The following COL14A1 variants were observed in gnomAD, a reference collection of about 807,000 sequenced individuals.
The protein encoded by COL14A1 is collagen alpha-1(XIV) chain.
In COL14A1, 136 loss-of-function variants were observed where a neutral mutation model predicts 230.3. The observed-to-expected ratio is 0.59, with a 90% CI of 0.51 to 0.68. COL14A1 has a LOEUF of 0.68. Ranked by LOEUF, COL14A1 falls within the 30% of genes least tolerant of loss-of-function variation. The pLI, the probability that COL14A1 is intolerant of heterozygous loss-of-function variation, is 0.00. For missense variants in COL14A1, 1,976 were observed against 2,215.8 expected, an observed-to-expected ratio of 0.89 and a Z score of 2.17; for synonymous variants, 792 against 784.1, an observed-to-expected ratio of 1.01 and a Z score of -0.17.
chr8:120,157,213 G>C (rs1815508935), intron 2 of COL14A1, among the ~76,000 whole-genome samples: 1 of 152,104 alleles, frequency 6.6e-6, no homozygotes, highest in Non-Finnish European at 1.5e-5. Flanking sequence ...CATGTGCTTT[G>C]TATCTTTCTG....
intron 45 of COL14A1, among the ~76,000 whole-genome samples, chr8:120,358,430 G>C (rs1823060053): frequency 6.6e-6 from 1 of 151,954 alleles, no homozygotes; most frequent in Non-Finnish European, 1.5e-5. Flanking sequence ...TTATAGTGTT[G>C]ATAACCTCTT....
rs557051371 is a variant in COL14A1, at chr8:120,369,971, A to G, written c.5311+486A>G. Among the ~76,000 whole-genome samples the G allele has an allele frequency of 2.6e-5, 4 of 152,346 alleles. No homozygotes were observed. The South Asian group carries it at 8.3e-4, about 32-fold the overall frequency. On this transcript the variant is annotated intron_variant, in intron 47 of 47. Transcript: ENST00000297848. ...ATGCATACCACTTGCATTTAGGTGC[A>G]TTTAAGCACCACATTTTAGGTGACC... is the stretch of plus-strand genomic sequence containing the variant.
intron 1 of COL14A1, among the ~76,000 whole-genome samples, chr8:120,129,156 C>A (rs1369574605): frequency 6.6e-6 from 1 of 152,198 alleles, no homozygotes; most frequent in South Asian, 2.1e-4. Flanking sequence ...TATGCTTTGG[C>A]AAATGGAAAT....
intron 45 of COL14A1, among the ~76,000 whole-genome samples, chr8:120,359,095 C>T (rs1823092428): frequency 6.6e-6 from 1 of 151,578 alleles, no homozygotes; most frequent in African/African-American, 2.4e-5. Context: ...TTTTGGGATA[C>T]ATGTGCTGAA....
At chr8:120,161,142 C>T (rs1393928564) in intron 3 of COL14A1, among the ~76,000 whole-genome samples, 1 of 152,130 alleles carries the variant, frequency 6.6e-6, no homozygotes, top group Non-Finnish European at 1.5e-5. Context: ...AAGAGAAAGA[C>T]TCCATTTTGC....
chr8:120,269,938 T>A, intron 25 of COL14A1, 97 bp from the exon 26 acceptor site: 1 of 1,290,268 alleles, frequency 7.8e-7, no homozygotes, highest in Non-Finnish European at 1.1e-6. Flanking sequence ...GAAAAAGAGC[T>A]TCACTTAGCA....
At chr8:120,285,308 C>G (rs1820158826) in intron 32 of COL14A1, among the ~76,000 whole-genome samples, 1 of 151,466 alleles carries the variant, frequency 6.6e-6, no homozygotes, top group Admixed American at 6.6e-5. Context: ...ACTAAAAATA[C>G]AAAAAATTAG....
At chr8:120,260,336 G>A (rs1229090075) in intron 23 of COL14A1, among the ~76,000 whole-genome samples, 1 of 151,810 alleles carries the variant, frequency 6.6e-6, no homozygotes, top group Admixed American at 6.6e-5. Context: ...AATATGGATG[G>A]CAATTTAACT....
chr8:120,328,156 A>T (rs1471379851), intron 40 of COL14A1, among the ~76,000 whole-genome samples: 1 of 152,216 alleles, frequency 6.6e-6, no homozygotes, highest in African/African-American at 2.4e-5. Context: ...TCGAAAGAAG[A>T]AGAGAAAGAA....
intron 5 of COL14A1, among the ~76,000 whole-genome samples, chr8:120,173,697 T>TCTA (rs1816177886): frequency 6.7e-6 from 1 of 150,296 alleles, no homozygotes; most frequent in South Asian, 2.1e-4. Flanking sequence ...TATCTATCTA[T>TCTA]TTTACTGCAT....
At chr8:120,280,450 C>T (rs898109740) in intron 29 of COL14A1, among the ~76,000 whole-genome samples, 3 of 152,104 alleles carry the variant, frequency 2.0e-5, no homozygotes, top group Admixed American at 6.6e-5. Flanking sequence ...AGATGTGCCC[C>T]AATACATGCT....
At chr8:120,266,931 G>A (rs1222968002) in intron 25 of COL14A1, 48 bp downstream of exon 25, 4 of 1,518,426 alleles carry the variant, frequency 2.6e-6, no homozygotes, top group African/African-American at 1.4e-5. Context: ...TAGGATTTGT[G>A]TTGGTTTTGT....
chr8:120,284,935 G>T (rs1210888039), intron 32 of COL14A1, among the ~76,000 whole-genome samples: 3 of 151,876 alleles, frequency 2.0e-5, no homozygotes, highest in African/African-American at 7.3e-5. Flanking sequence ...TTGAACAAAG[G>T]CATTTAAAAA....
At chr8:120,176,693 A>G (rs187569727) in intron 5 of COL14A1, among the ~76,000 whole-genome samples, 10 of 152,234 alleles carry the variant, frequency 6.6e-5, no homozygotes, top group Middle Eastern at 3.4e-3. Context: ...CCACTCCAAG[A>G]TTAAAGGGGA....
At chr8:120,275,517 G>T (rs890023177) in intron 26 of COL14A1, among the ~76,000 whole-genome samples, 7 of 149,998 alleles carry the variant, frequency 4.7e-5, no homozygotes, top group Middle Eastern at 3.2e-3. Flanking sequence ...AAAACCTTCT[G>T]AACAGCTAAT....
chr8:120,314,096 A>G, intron 38 of COL14A1, 69 bp downstream of exon 38: 1 of 1,145,598 alleles, frequency 8.7e-7, no homozygotes, highest in Non-Finnish European at 1.3e-6. Flanking sequence ...CAAAGAATGA[A>G]CTTTTGTCTT....
intron 25 of COL14A1, among the ~76,000 whole-genome samples, chr8:120,268,507 G>T (rs972505668): frequency 1.3e-5 from 2 of 151,532 alleles, no homozygotes; most frequent in African/African-American, 4.8e-5. Flanking sequence ...AGGGTCTGTG[G>T]GGTTAAGGAT....
At chr8:120,217,577 A>G (rs913975567) in intron 14 of COL14A1, among the ~76,000 whole-genome samples, 1 of 152,184 alleles carries the variant, frequency 6.6e-6, no homozygotes, top group Non-Finnish European at 1.5e-5. Context: ...CATGAGGGAC[A>G]TTGTGTAATG....
chr8:120,335,842 C>A (rs781243519), intron 42 of COL14A1, among the ~76,000 whole-genome samples: 1 of 152,126 alleles, frequency 6.6e-6, no homozygotes, highest in African/African-American at 2.4e-5. Flanking sequence ...AGCACACGAA[C>A]GAAGGAGCTG....
Sources: allele counts gnomAD v4.1 joint callset (sites outside exome capture counted in the v4.1 genomes callset), GRCh38; gene constraint gnomAD v4.1.1; transcripts MANE v1.5; gene names NCBI Gene and HGNC (gene_info 2026-07-23, HGNC 2026-07-21).